The following AFF3 variants were observed in gnomAD, a reference collection of about 807,000 sequenced individuals.
AFF3 encodes ALF transcription elongation factor 3, also known as AF4/FMR2 family member 3.
A neutral mutation model predicts 129.7 loss-of-function variants in AFF3; 32 were observed. The observed-to-expected ratio is 0.25, with a 90% CI of 0.19 to 0.33. AFF3 has a LOEUF of 0.33. AFF3 is among the 10% of genes least tolerant of loss of function. AFF3 has a pLI of 1.00. For synonymous variants in AFF3, 644 were observed against 635.4 expected (o/e 1.01, Z -0.20); for missense variants, 1,373 against 1,592.0 (o/e 0.86, Z 2.34).
chr2:100,006,660 G>A lies in AFF3; in HGVS notation c.845C>T (p.Ser282Phe). The A allele has an allele frequency of 6.2e-7, 1 of 1,609,916 alleles. No homozygotes were observed. ...PEPARAKAKL[S>F]KFSIPKQGEE... ...CCCCTGCTTGGGGATGCTGAACTTG[G>A]AGAGCTTGGCCTTGGCTCTGGCAGG... The change falls in exon 7 of 25, where the codon TCC (serine) becomes TTC (phenylalanine). Residue 282 changes from serine to phenylalanine, a missense_variant. Physicochemically the swap from Ser to Phe is radical, Grantham distance 155. Around this residue, in one of 9 missense-constraint regions of AFF3, gnomAD observed 413 missense variants for 424.4 expected, o/e 0.97. Coordinates refer to ENST00000672756, the MANE Select transcript of AFF3 (RefSeq NM_001386135.1).
At chr2:99,734,476 T>C (rs1462277829) in intron 10 of AFF3, among the ~76,000 whole-genome samples, 1 of 152,164 alleles carries the variant, frequency 6.6e-6, no homozygotes, top group Non-Finnish European at 1.5e-5. Flanking sequence ...CTGCAAATGT[T>C]TCAACACTAA....
At chr2:99,969,980 TCA>T (rs1322357265) in intron 7 of AFF3, among the ~76,000 whole-genome samples, 2 of 152,328 alleles carry the variant, frequency 1.3e-5, no homozygotes, top group Admixed American at 6.5e-5. Context: ...ATTCTCTGTC[TCA>T]GTCTCATAGC....
At chr2:99,614,359 T>C (rs1359258994) in intron 13 of AFF3, among the ~76,000 whole-genome samples, 3 of 152,204 alleles carry the variant, frequency 2.0e-5, no homozygotes, top group Non-Finnish European at 4.4e-5. Flanking sequence ...CATCTGGAAC[T>C]CTTTCAGTTA....
At chr2:100,106,402 G>A (rs1240254562) in intron 2 of AFF3, 6 of 1,069,522 alleles carry the variant, frequency 5.6e-6, no homozygotes, top group Non-Finnish European at 6.8e-6. Flanking sequence ...AGGGCTGGCT[G>A]CCCAAATCCC....
intron 7 of AFF3, among the ~76,000 whole-genome samples, chr2:99,840,337 G>A (rs1294716187): frequency 2.6e-5 from 4 of 152,078 alleles, no homozygotes; most frequent in East Asian, 3.9e-4. Context: ...TGATACAATC[G>A]TCTGGGAACT....
chr2:99,990,675 A>T (rs1399418309), intron 7 of AFF3, among the ~76,000 whole-genome samples: 3 of 152,172 alleles, frequency 2.0e-5, no homozygotes, highest in Non-Finnish European at 1.5e-5. Flanking sequence ...AAATTGAATC[A>T]GTGGACACTC....
chr2:99,850,845 T>C (rs936215706), intron 7 of AFF3, among the ~76,000 whole-genome samples: 2 of 152,216 alleles, frequency 1.3e-5, no homozygotes, highest in Non-Finnish European at 2.9e-5. Context: ...ATAAGAGTCA[T>C]TATAGCAGCT....
intron 10 of AFF3, among the ~76,000 whole-genome samples, chr2:99,735,357 C>A (rs1006060183): frequency 2.0e-5 from 3 of 151,422 alleles, no homozygotes; most frequent in Non-Finnish European, 4.4e-5. Context: ...AAAATTTTAT[C>A]TCTGCTATTT....
At chr2:100,055,344 T>C (rs1180548430) in intron 4 of AFF3, among the ~76,000 whole-genome samples, 1 of 151,766 alleles carries the variant, frequency 6.6e-6, no homozygotes, top group Non-Finnish European at 1.5e-5. Context: ...AGTACATCAT[T>C]AACCCTCATA....
chr2:99,593,133 A>G (rs1199000974), intron 15 of AFF3, 62 bp downstream of exon 15: 1 of 1,510,186 alleles, frequency 6.6e-7, no homozygotes. Context: ...CCAAGTACCC[A>G]CAAGTTAAGA....
chr2:99,737,193 T>C (rs1234399080), intron 10 of AFF3, among the ~76,000 whole-genome samples: 2 of 152,168 alleles, frequency 1.3e-5, no homozygotes, highest in African/African-American at 2.4e-5. Context: ...AATTCCACAT[T>C]CTCATCTTAT....
intron 7 of AFF3, among the ~76,000 whole-genome samples, chr2:99,907,146 T>C (rs575897142): frequency 6.6e-6 from 1 of 152,300 alleles, no homozygotes; most frequent in East Asian, 1.9e-4. Context: ...TTTCTCCTTT[T>C]GTAAGCTGGG....
At chr2:99,809,302 A>G (rs985356137) in intron 8 of AFF3, among the ~76,000 whole-genome samples, 21 of 152,244 alleles carry the variant, frequency 1.4e-4, no homozygotes, top group Non-Finnish European at 2.4e-4. Flanking sequence ...GAGCGGCTAC[A>G]GAGGCACCCA....
At chr2:100,058,259 T>C (rs1433959311) in intron 4 of AFF3, among the ~76,000 whole-genome samples, 2 of 152,178 alleles carry the variant, frequency 1.3e-5, no homozygotes, top group East Asian at 3.9e-4. Context: ...ACATAACTAG[T>C]AAATGGCAGG....
Position 99,670,571 on chromosome 2 carries a change from T to C in AFF3, c.1143+1967A>G, listed in dbSNP as rs143575960. Among the ~76,000 whole-genome samples the C allele has an allele frequency of 4.2e-3, 643 of 152,184 alleles. 2 individuals are homozygous for C. Among genetic ancestry groups the C allele is most frequent in the Non-Finnish European group, 6.6e-3 (449 of 68,006 alleles). ...TGTGTGTGTGTTCGTGCACCGGCTA[T>C]GCTGCTTCCGGGATAAAGCATAGTT... On this transcript the variant is annotated intron_variant, in intron 12 of 24. Coordinates refer to ENST00000672756, the MANE Select transcript of AFF3 (RefSeq NM_001386135.1).
intron 7 of AFF3, among the ~76,000 whole-genome samples, chr2:99,983,090 G>A (rs2104522167): frequency 6.6e-6 from 1 of 152,310 alleles, no homozygotes; most frequent in South Asian, 2.1e-4. Context: ...GGTGTCTGTG[G>A]CTGATTGGAA....
chr2:99,974,668 C>T (rs887085177), intron 7 of AFF3, among the ~76,000 whole-genome samples: 3 of 152,164 alleles, frequency 2.0e-5, no homozygotes, highest in Non-Finnish European at 2.9e-5. Context: ...CTACTGTTCC[C>T]GCAGCAGTGA....
chr2:99,923,512 T>C (rs1024123169), intron 7 of AFF3, among the ~76,000 whole-genome samples: 1 of 152,126 alleles, frequency 6.6e-6, no homozygotes, highest in Non-Finnish European at 1.5e-5. Flanking sequence ...AACTTAAGAG[T>C]AAACTTATAT....
intron 8 of AFF3, among the ~76,000 whole-genome samples, chr2:99,831,540 T>C (rs1211048438): frequency 6.6e-6 from 1 of 152,214 alleles, no homozygotes; most frequent in Non-Finnish European, 1.5e-5. Flanking sequence ...TTGAAGGTAC[T>C]GATAGATACT....
Sources: allele counts gnomAD v4.1 joint callset (sites outside exome capture counted in the v4.1 genomes callset), GRCh38; gene constraint gnomAD v4.1.1; regional missense constraint gnomAD v4.1.1; transcripts MANE v1.5; gene names NCBI Gene and HGNC (gene_info 2026-07-23, HGNC 2026-07-21).